Variants in HCN2 observed in about 807,000 individuals in gnomAD.
HCN2 encodes the protein hyperpolarization activated cyclic nucleotide gated potassium and sodium channel 2.
HCN2 carries 20 observed loss-of-function variants against 52.3 expected under a neutral mutation model. The observed-to-expected ratio is 0.38, with a 90% CI of 0.27 to 0.56. HCN2 has a LOEUF of 0.56. HCN2 is among the 20% of genes least tolerant of loss of function. The pLI, the probability that HCN2 is intolerant of heterozygous loss-of-function variation, is 0.71. For synonymous variants in HCN2, 694 were observed against 537.0 expected (o/e 1.29, Z -4.04); for missense variants, 981 against 1,207.7 (o/e 0.81, Z 2.78).
At chr19:612,718 T>C (rs1198063825) in intron 5 of HCN2, among the ~76,000 whole-genome samples, 2 of 147,118 alleles carry the variant, frequency 1.4e-5, no homozygotes, top group Admixed American at 6.8e-5. Context: ...CCCGGCCTTA[T>C]TTTTCCCCCA....
At chr19:612,376 G>A (rs953117674) in intron 5 of HCN2, among the ~76,000 whole-genome samples, 6 of 148,708 alleles carry the variant, frequency 4.0e-5, no homozygotes, top group Non-Finnish European at 7.4e-5. Flanking sequence ...TAGTCTGACC[G>A]AATGTAGCTT....
intron 7 of HCN2, among the ~76,000 whole-genome samples, chr19:614,343 C>G (rs1252505928): frequency 2.6e-5 from 4 of 152,174 alleles, no homozygotes; most frequent in African/African-American, 9.7e-5. Flanking sequence ...GCCGAATGCT[C>G]GGTGAGCACC....
chr19:616,301 G>T lies in HCN2; in HGVS notation c.2497G>T (p.Gly833Cys). ...GCCCTCGCTGCCTCACGGCGCCCCC[G>T]GCCCCGCGGCCTCCACACGCCCGGC... ...SQPSLPHGAP[G>C]PAASTRPASS... Residue 833 changes from glycine to cysteine, a missense_variant, in exon 8 of 8, where the codon GGC (glycine) becomes TGC (cysteine). By Grantham distance (159) the Gly-to-Cys change is radical (BLOSUM62 -3). This residue lies in a region of HCN2 where 368 missense variants were observed against 314.8 expected (regional missense o/e 1.17). Coordinates refer to ENST00000251287, the MANE Select transcript of HCN2 (RefSeq NM_001194.4). 2.7e-6 allele frequency: 3 copies of T among 1,099,524 alleles called. No individual in the cohort carries two copies. The highest frequency in any genetic ancestry group is 4.6e-5 in the Admixed American group (1 of 21,886). The allele number at this position is 1,099,524 out of a possible 1,614,324, so 68.1% of individuals were successfully genotyped here. A position where few individuals can be genotyped will look rare whatever the true frequency, so the allele number is the denominator to read the frequency against.
chr19:613,133 C>T (rs1023309082), intron 5 of HCN2, 115 bp from the exon 6 acceptor site: 36 of 1,369,178 alleles, frequency 2.6e-5, no homozygotes, highest in Non-Finnish European at 3.5e-5. Flanking sequence ...CGGGGCTGAG[C>T]CCGTCTCTCA....
At chr19:602,043 C>A (rs570578232) in intron 1 of HCN2, among the ~76,000 whole-genome samples, 1 of 151,162 alleles carries the variant, frequency 6.6e-6, no homozygotes, top group African/African-American at 2.4e-5. Context: ...TCCCCTGTGG[C>A]GCCAGCCCCG....
chr19:609,056 GC>G (rs1269341199), intron 4 of HCN2, among the ~76,000 whole-genome samples: 1 of 152,162 alleles, frequency 6.6e-6, no homozygotes, highest in Non-Finnish European at 1.5e-5. Context: ...GGAGCCAAGT[GC>G]CCCCCTCTCC....
intron 2 of HCN2, among the ~76,000 whole-genome samples, chr19:604,859 C>CGG (rs530108578): frequency 1.4e-5 from 1 of 72,756 alleles, no homozygotes; most frequent in African/African-American, 5.4e-5. Context: ...TAGAGGTGGG[C>CGG]GGGGTCCTGG....
chr19:606,349 C>T (rs1409496050), intron 3 of HCN2, among the ~76,000 whole-genome samples: 2 of 151,798 alleles, frequency 1.3e-5, no homozygotes, highest in East Asian at 4.0e-4. Context: ...GATCCGCCTG[C>T]CTCGGCCTCC....
In HCN2 at chr19:590,092, C is replaced by CGGGGG; in HGVS notation, c.148_149insGGGGG (p.Ala50GlyfsTer214). 1 of 723,010 alleles carries CGGGGG rather than the reference C, an allele frequency of 1.4e-6. No individual in the cohort carries two copies. Among genetic ancestry groups the CGGGGG allele is most frequent in the Non-Finnish European group, 1.7e-6 (1 of 596,970 alleles). 44.8% of individuals were successfully genotyped at this position (723,010 alleles called of 1,614,324 possible). A position where few individuals can be genotyped will look rare whatever the true frequency, so the allele number is the denominator to read the frequency against. On this transcript the variant is annotated frameshift_variant, in exon 1 of 8. Coordinates refer to ENST00000251287, the MANE Select transcript of HCN2 (RefSeq NM_001194.4). LOFTEE classifies it high-confidence loss of function. This position sits in a 1 kb window ranked among gnomAD's most constrained non-coding sequence, Gnocchi z 7.2. ...CCGCGCCCCCCCCGGGCCCCGGGCC[C>CGGGGG]GCGCCCCCCCAGCACCCGCCCCGGG...
Position 616,075 on chromosome 19 carries a change from C to G in HCN2, c.2271C>G (p.Leu757=). ...VGPLALGSPR[L]VRRPPPGPAP... is the part of the protein sequence containing the mutation. ...CGCTGGCGCTCGGCTCGCCGCGCCTCGTGCGCCGCCCGCCCCCGGGGCCCG... is the reference window on the plus strand; with the variant it reads ...CGCTGGCGCTCGGCTCGCCGCGCCTGGTGCGCCGCCCGCCCCCGGGGCCCG... The change falls in exon 8 of 8, where the codon CTC becomes CTG. Residue 757 remains leucine, a synonymous_variant. Coordinates refer to ENST00000251287, the MANE Select transcript of HCN2 (RefSeq NM_001194.4). 9.2e-7 allele frequency: 1 copy of G among 1,086,180 alleles called. No homozygotes were observed. The highest frequency in any genetic ancestry group is 1.1e-6 in the Non-Finnish European group (1 of 896,784). 67.3% of individuals were successfully genotyped at this position (1,086,180 alleles called of 1,614,324 possible).
rs968218601 is a variant in HCN2, at chr19:616,327, C to T, written c.2523C>T (p.Ala841=). 5 of 1,180,140 alleles carry T rather than the reference C, an allele frequency of 4.2e-6. No individual in the cohort carries two copies. The African/African-American group carries it at 5.0e-5, about 12-fold the overall frequency. The allele number at this position is 1,180,140 out of a possible 1,614,324, so 73.1% of individuals were successfully genotyped here. ...APGPAASTRP[A]SSSTPRLGPT... Reference sequence around the variant, plus strand: ...GCCCCGCGGCCTCCACACGCCCGGCCAGCAGCTCCACACCGCGCTTGGGGC... The same window carrying T: ...GCCCCGCGGCCTCCACACGCCCGGCTAGCAGCTCCACACCGCGCTTGGGGC... Residue 841 remains alanine (A), a synonymous_variant, in exon 8 of 8, where the codon GCC becomes GCT. Transcript: ENST00000251287.
In HCN2 at chr19:616,490, C is replaced by G; in HGVS notation, c.*16C>G. 2 of 1,214,484 alleles carry G rather than the reference C, an allele frequency of 1.6e-6. No individual in the cohort carries two copies. Among genetic ancestry groups the G allele is most frequent in the South Asian group, 2.4e-5 (1 of 41,308 alleles). 75.2% of individuals were successfully genotyped at this position (1,214,484 alleles called of 1,614,324 possible). ...CAACTTGTGACCCTCGCCGACCGCC[C>G]CGCGGGCCCAGGCGGGCCGGGGGCG... On this transcript the variant is annotated 3_prime_UTR_variant, in exon 8 of 8. Transcript: ENST00000251287.
intron 6 of HCN2, 113 bp from the exon 7 acceptor site, chr19:613,739 T>A: frequency 1.0e-6 from 1 of 1,002,376 alleles, no homozygotes. Flanking sequence ...AGGGAGAGCC[T>A]GGGTGGGAAG....
intron 1 of HCN2, among the ~76,000 whole-genome samples, chr19:597,231 G>A (rs1231779356): frequency 1.3e-5 from 2 of 152,240 alleles, no homozygotes; most frequent in Admixed American, 6.5e-5. Flanking sequence ...CCTTTCTGGG[G>A]ACACAGGAGC....
intron 1 of HCN2, among the ~76,000 whole-genome samples, chr19:594,936 C>G (rs545372841): frequency 8.5e-4 from 130 of 152,290 alleles, no homozygotes; most frequent in Non-Finnish European, 1.5e-3. Context: ...CACTGTGGCT[C>G]ATGCCTGTAA....
chr19:616,505 G>A lies in HCN2; in HGVS notation c.*31G>A. The A allele has an allele frequency of 2.5e-6, 3 of 1,189,684 alleles. No individual in the cohort carries two copies. The highest frequency in any genetic ancestry group is 5.0e-5 in the South Asian group (2 of 39,954). The allele number at this position is 1,189,684 out of a possible 1,614,324, so 73.7% of individuals were successfully genotyped here. ...GCCGACCGCCCCGCGGGCCCAGGCGGGCCGGGGGCGGGGCCGTCATCCAGA... is the reference window on the plus strand; with the variant it reads ...GCCGACCGCCCCGCGGGCCCAGGCGAGCCGGGGGCGGGGCCGTCATCCAGA... On this transcript the variant is annotated 3_prime_UTR_variant, in exon 8 of 8. Coordinates refer to ENST00000251287, the MANE Select transcript of HCN2 (RefSeq NM_001194.4).
chr19:604,924 G>GGTGGGGGTCCTGGA (rs1983368586), intron 2 of HCN2, 137 bp from the exon 3 acceptor site: 45 of 911,296 alleles, frequency 4.9e-5, no homozygotes, highest in Admixed American at 1.5e-4. Context: ...TGCAGGGTGG[G>GGTGGGGGTCCTGGA]GCGGGGGTCC....
intron 1 of HCN2, among the ~76,000 whole-genome samples, chr19:595,349 C>T (rs568391456): frequency 6.6e-6 from 1 of 151,844 alleles, no homozygotes; most frequent in African/African-American, 2.4e-5. Context: ...CCAGATGCCT[C>T]CCCGTCCCCC....
At chr19:594,034 G>A (rs1282126066) in intron 1 of HCN2, among the ~76,000 whole-genome samples, 1 of 152,112 alleles carries the variant, frequency 6.6e-6, no homozygotes, top group Non-Finnish European at 1.5e-5. Context: ...CCTGAGTCGT[G>A]CAAAGGAGGG....
Sources: gnomAD v4.1 joint callset for allele counts (sites outside exome capture counted in the v4.1 genomes callset) on GRCh38, gnomAD v4.1.1 for gene constraint, gnomAD v4.1.1 regional missense constraint, Gnocchi (gnomAD v3.1) non-coding constraint, MANE v1.5 for transcripts, NCBI Gene and HGNC (gene_info 2026-07-23, HGNC 2026-07-21) for gene names.